Variants in RBFOX1 observed in about 807,000 individuals in gnomAD.
RBFOX1 encodes RNA binding protein fox-1 homolog 1.
Under a neutral mutation model 57.7 loss-of-function variants are expected in RBFOX1, and 8 were observed. The observed-to-expected ratio is 0.14, with a 90% confidence interval of 0.08 to 0.25. The LOEUF is 0.25. RBFOX1 is among the 10% of genes least tolerant of loss of function. The probability of loss-of-function intolerance (pLI) is 1.00; values close to 1 mark genes in which losing one functional copy is unlikely to be tolerated. For missense variants in RBFOX1, 611 were observed against 548.5 expected, an observed-to-expected ratio of 1.11 and a Z score of -1.14; for synonymous variants, 326 against 222.4, an observed-to-expected ratio of 1.47 and a Z score of -4.15.
At chr16:6,545,540 T>C (rs1434772486) in intron 2 of RBFOX1, among the ~76,000 whole-genome samples, 4 of 152,198 alleles carry the variant, frequency 2.6e-5, no homozygotes, top group African/African-American at 7.2e-5. Context: ...TCCACTCTTA[T>C]GTCACATCTC....
chr16:6,189,425 G>A (rs1484107601), intron 1 of RBFOX1, among the ~76,000 whole-genome samples: 3 of 152,112 alleles, frequency 2.0e-5, no homozygotes, highest in Non-Finnish European at 2.9e-5. Context: ...AGAGTCGCTT[G>A]CTGCAACAGT....
At chr16:7,412,284 G>A (rs904010282) in intron 4 of RBFOX1, among the ~76,000 whole-genome samples, 4 of 151,848 alleles carry the variant, frequency 2.6e-5, no homozygotes, top group African/African-American at 7.3e-5. Flanking sequence ...GCGTGGTGGC[G>A]TGTGCCTGTA....
intron 3 of RBFOX1, among the ~76,000 whole-genome samples, chr16:5,808,167 C>A (rs1200080755): frequency 1.3e-5 from 2 of 152,100 alleles, no homozygotes; most frequent in African/African-American, 4.8e-5. Flanking sequence ...TAAAATGAGG[C>A]CGTTAGGATG....
chr16:6,979,403 C>G (rs1294995514), intron 3 of RBFOX1, among the ~76,000 whole-genome samples: 2 of 152,098 alleles, frequency 1.3e-5, no homozygotes, highest in Non-Finnish European at 2.9e-5. Context: ...GCGATAGACC[C>G]ACTAAATTAA....
intron 1 of RBFOX1, among the ~76,000 whole-genome samples, chr16:5,357,793 G>A (rs971815972): frequency 6.6e-6 from 1 of 152,094 alleles, no homozygotes; most frequent in African/African-American, 2.4e-5. Context: ...GGGAATTTCT[G>A]TTTCTTACAA....
chr16:7,141,685 T>TCATCCCTTGTAAAC (rs2073829003), intron 4 of RBFOX1, among the ~76,000 whole-genome samples: 2 of 152,204 alleles, frequency 1.3e-5, no homozygotes, highest in Non-Finnish European at 1.5e-5. Flanking sequence ...AGGGATGAGC[T>TCATCCCTTGTAAAC]ACTATAGTCT....
intron 3 of RBFOX1, among the ~76,000 whole-genome samples, chr16:6,893,868 T>C (rs557233681): frequency 6.6e-6 from 1 of 152,216 alleles, no homozygotes; most frequent in African/African-American, 2.4e-5. Flanking sequence ...GTATGGGGAA[T>C]AGTTTAGGTT....
chr16:7,556,592 G>A (rs1232322239), intron 5 of RBFOX1, among the ~76,000 whole-genome samples: 1 of 152,112 alleles, frequency 6.6e-6, no homozygotes, highest in East Asian at 1.9e-4. Context: ...TTTGGATACA[G>A]AGTTTCATTC....
At position 5,427,249 on chromosome 16, in the gene RBFOX1, T is replaced by C. The variant is rs139421093; in HGVS notation, c.220-39967T>C. On this transcript the variant is annotated intron_variant, in intron 1 of 2. Coordinates refer to the RBFOX1 transcript ENST00000585867. ...TGTGTACATCAAAAGAGATTTATTT[T>C]AAGGAATTGGCTCATGCAGTTAAGG... Among the ~76,000 whole-genome samples the C allele has an allele frequency of 6.2e-3, 950 of 152,290 alleles. 13 individuals carry two copies. The highest frequency in any genetic ancestry group is 0.021 in the African/African-American group (874 of 41,558).
intron 3 of RBFOX1, among the ~76,000 whole-genome samples, chr16:5,711,458 T>C (rs1391538206): frequency 6.6e-6 from 1 of 152,218 alleles, no homozygotes; most frequent in Admixed American, 6.5e-5. Context: ...ACTTTTTCTC[T>C]GTCTGGGGTT....
rs573060385 is a variant in RBFOX1, at chr16:5,472,647, C to T, written c.258+5393C>T. On this transcript the variant is annotated intron_variant, in intron 2 of 2. Coordinates refer to the RBFOX1 transcript ENST00000585867. ...TGCTGCCCTCCTGGACTGGGTCTCA[C>T]CTCCTTTCATCAGCTGTTTGTAAAT... Among the ~76,000 whole-genome samples, 7 of 152,260 alleles carry T rather than the reference C, an allele frequency of 4.6e-5. 2 individuals are homozygous for T. The South Asian group carries it at 1.5e-3, about 32-fold the overall frequency.
intron 4 of RBFOX1, among the ~76,000 whole-genome samples, chr16:7,088,817 G>C (rs927928238): frequency 2.6e-5 from 4 of 152,134 alleles, no homozygotes; most frequent in South Asian, 2.1e-4. Context: ...CCAAGGGAGG[G>C]AGGCGTTTTC....
chr16:6,646,874 A>G (rs953012246), intron 2 of RBFOX1, among the ~76,000 whole-genome samples: 1 of 152,118 alleles, frequency 6.6e-6, no homozygotes, highest in Non-Finnish European at 1.5e-5. Flanking sequence ...GACTTCAGCC[A>G]TTAATTTAGG....
intron 2 of RBFOX1, among the ~76,000 whole-genome samples, chr16:5,538,984 C>G (rs559406004): frequency 6.6e-6 from 1 of 152,106 alleles, no homozygotes; most frequent in Non-Finnish European, 1.5e-5. Context: ...CATAGCAGCA[C>G]GGCTCCCACA....
chr16:5,712,858 C>G (rs367702685), intron 3 of RBFOX1, among the ~76,000 whole-genome samples: 13 of 152,304 alleles, frequency 8.5e-5, no homozygotes, highest in African/African-American at 2.9e-4. Context: ...CTTCCACCCC[C>G]ACTCCATTTC....
chr16:6,851,965 G>A (rs114952652), intron 3 of RBFOX1, among the ~76,000 whole-genome samples: 2,592 of 148,836 alleles, frequency 0.017, 82 homozygotes, highest in African/African-American at 0.059. Context: ...GAGGTTCGTC[G>A]CCCAGGCTGG....
intron 2 of RBFOX1, among the ~76,000 whole-genome samples, chr16:6,477,810 C>T (rs2095297727): frequency 6.6e-6 from 1 of 152,160 alleles, no homozygotes; most frequent in African/African-American, 2.4e-5. Flanking sequence ...GTGTAGCCAC[C>T]TTCGTCAGTG....
chr16:6,896,940 C>T (rs552123301), intron 3 of RBFOX1, among the ~76,000 whole-genome samples: 1 of 152,066 alleles, frequency 6.6e-6, no homozygotes, highest in African/African-American at 2.4e-5. Flanking sequence ...CAAAGAAACT[C>T]TGCCACAACT....
At chr16:6,032,990 C>G (rs1032165835) in intron 1 of RBFOX1, among the ~76,000 whole-genome samples, 1 of 151,570 alleles carries the variant, frequency 6.6e-6, no homozygotes, top group East Asian at 2.0e-4. Flanking sequence ...TTGATAACAG[C>G]TCCTTATTTC....
Sources: gnomAD v4.1 joint callset for allele counts (sites outside exome capture counted in the v4.1 genomes callset) on GRCh38, gnomAD v4.1.1 for gene constraint, MANE v1.5 for transcripts, NCBI Gene and HGNC (gene_info 2026-07-23, HGNC 2026-07-21) for gene names.